ATP6V0B: variants seen among roughly 807,000 people sequenced by gnomAD.
ATP6V0B encodes V-type proton ATPase 21 kDa proteolipid subunit c''.
In ATP6V0B, 4 loss-of-function variants were observed where a neutral mutation model predicts 26.2. That is an observed-to-expected ratio of 0.15 (90% CI 0.08 to 0.35). ATP6V0B has a LOEUF of 0.35. Ranked by LOEUF, ATP6V0B falls within the 10% of genes least tolerant of loss-of-function variation. The pLI, the probability that ATP6V0B is intolerant of heterozygous loss-of-function variation, is 1.00. For missense variants in ATP6V0B, 175 were observed against 272.5 expected (o/e 0.64, Z 2.52); for synonymous variants, 110 against 105.8 (o/e 1.04, Z -0.24).
chr1:43,975,967 A>C lies in ATP6V0B; in HGVS notation c.116+119A>C, dbSNP rs2085515127. ...CTGCCTGGGACATGGACCTTTGGGA[A>C]ATACGCGGTCAGTTGTTGCCTGTAG... On this transcript the variant is annotated intron_variant, in intron 2 of 7. Transcript: ENST00000472174. The C allele has an allele frequency of 2.6e-6, 4 of 1,513,352 alleles. No individual in the cohort carries two copies. In the South Asian group the frequency reaches 4.7e-5, roughly 18 times the overall value. The allele number at this position is 1,513,352 out of a possible 1,614,324, so 93.7% of individuals were successfully genotyped here. A position where few individuals can be genotyped will look rare whatever the true frequency, so the allele number is the denominator to read the frequency against.
rs1270639969 is a variant in ATP6V0B at position 43,976,449 on chromosome 1, C to T, written c.278+70C>T. The T allele has an allele frequency of 2.6e-6, 4 of 1,550,230 alleles. No homozygotes were observed. Among genetic ancestry groups the T allele is most frequent in the African/African-American group, 1.4e-5 (1 of 73,376 alleles). On this transcript the variant is annotated intron_variant, in intron 4 of 7. Coordinates refer to ENST00000472174, the MANE Select transcript of ATP6V0B (RefSeq NM_004047.5). The surrounding 1 kb of genome is among the most constrained non-coding windows in gnomAD (Gnocchi z 4.6). ...GGCGCTGCCTGTGTGTTTGATCTGA[C>T]ATACTGTTTCTGACAAGCCACCTTG...
chr1:43,976,671 C>A lies in ATP6V0B; in HGVS notation c.348+12C>A, dbSNP rs201804028. On this transcript the variant is annotated intron_variant, in intron 5 of 7. Transcript: ENST00000472174. The surrounding 1 kb of genome is among the most constrained non-coding windows in gnomAD (Gnocchi z 4.6). ...GCAACATGGCTGAGGTATGGAAGGCCAGGGTGGTGGCGGGAATCCATTCCA... is the reference window on the plus strand; with the variant it reads ...GCAACATGGCTGAGGTATGGAAGGCAAGGGTGGTGGCGGGAATCCATTCCA... 66 of 1,614,128 alleles carry A rather than the reference C, an allele frequency of 4.1e-5. No individual in the cohort carries two copies. The East Asian group carries it at 1.4e-3, about 35-fold the overall frequency.
Position 43,978,260 on chromosome 1 carries a change from G to C in ATP6V0B, c.*253G>C, listed in dbSNP as rs2085548437. On this transcript the variant is annotated 3_prime_UTR_variant, in exon 8 of 8. Transcript: ENST00000472174. ...CCTCCACCCTCAACCCATCTTCCTA[G>C]TGTTTGTGAAATAAACTTGGTATTT... is the stretch of plus-strand genomic sequence containing the variant. 6.8e-6 allele frequency: 4 copies of C among 587,576 alleles called. No homozygotes were observed. Among genetic ancestry groups the C allele is most frequent in the Non-Finnish European group, 1.2e-5 (4 of 329,168 alleles). 36.4% of individuals were successfully genotyped at this position (587,576 alleles called of 1,614,324 possible). A position where few individuals can be genotyped will look rare whatever the true frequency, so the allele number is the denominator to read the frequency against.
chr1:43,975,213 T>C, intron 1 of ATP6V0B, 106 bp downstream of exon 1: 2 of 1,293,532 alleles, frequency 1.5e-6, no homozygotes, highest in South Asian at 1.5e-5. Flanking sequence ...CCGCGCGCTC[T>C]GCACCCGAGG....
chr1:43,977,292 T>G (rs2085531056), intron 7 of ATP6V0B, 76 bp downstream of exon 7: 4 of 1,613,240 alleles, frequency 2.5e-6, no homozygotes, highest in Non-Finnish European at 3.4e-6. Context: ...GAAGCTGAAG[T>G]GCTCTCCTTC....
intron 1 of ATP6V0B, 189 bp downstream of exon 1, chr1:43,975,296 G>A (rs1351625881): frequency 2.7e-6 from 2 of 739,410 alleles, no homozygotes; most frequent in African/African-American, 1.8e-5. Context: ...GCTTGAGGAG[G>A]GGTGCGGGCG....
At position 43,976,326 on chromosome 1, in the gene ATP6V0B, C is replaced by T. The variant is rs1557646620; in HGVS notation, c.225C>T (p.Ser75=). 1 of 1,613,846 alleles carries T rather than the reference C, an allele frequency of 6.2e-7. No homozygotes were observed. The highest frequency in any genetic ancestry group is 2.2e-5 in the East Asian group (1 of 44,884). Residue 75 remains serine (S), a synonymous_variant, in exon 4 of 8, where the codon TCC becomes TCT. Transcript: ENST00000472174. The surrounding 1 kb of genome is among the most constrained non-coding windows in gnomAD (Gnocchi z 4.6). ...GGGGCATCTATATTACCGGCTCCTC[C>T]ATCATTGGTGGAGGAGTGAAGGCCC... is the stretch of plus-strand genomic sequence containing the variant. ...AAWGIYITGS[S]IIGGGVKAPR...
rs954085826 is a variant in ATP6V0B, at chr1:43,977,021, C to T, written c.401-5C>T. 1 of 1,604,054 alleles carries T rather than the reference C, an allele frequency of 6.2e-7. No homozygotes were observed. The highest frequency in any genetic ancestry group is 8.5e-7 in the Non-Finnish European group (1 of 1,173,232). On this transcript the variant is annotated splice_polypyrimidine_tract_variant and splice_region_variant and intron_variant, in intron 6 of 7. Coordinates refer to ENST00000472174, the MANE Select transcript of ATP6V0B (RefSeq NM_004047.5). ...GCCTCACTGCACCCCTCTCTATCCT[C>T]CCAGGCTACTCCATGTTTGGGGCTG... is the stretch of plus-strand genomic sequence containing the variant.
In ATP6V0B at chr1:43,976,685, G is replaced by A; in HGVS notation, c.348+26G>A. 1 of 1,613,906 alleles carries A rather than the reference G, an allele frequency of 6.2e-7. No homozygotes were observed. Among genetic ancestry groups the A allele is most frequent in the Non-Finnish European group, 8.5e-7 (1 of 1,179,808 alleles). ...GTATGGAAGGCCAGGGTGGTGGCGG[G>A]AATCCATTCCAGTGTGTTCTACACA... is the stretch of plus-strand genomic sequence containing the variant. On this transcript the variant is annotated intron_variant, in intron 5 of 7. Transcript: ENST00000472174. This position sits in a 1 kb window ranked among gnomAD's most constrained non-coding sequence, Gnocchi z 4.6.
In ATP6V0B at chr1:43,976,654, G is replaced by A; in HGVS notation, c.343G>A (p.Ala115Thr). 1.2e-6 allele frequency: 2 copies of A among 1,614,182 alleles called. No homozygotes were observed. Among genetic ancestry groups the A allele is most frequent in the African/African-American group, 2.7e-5 (2 of 75,024 alleles). ...IIMAIVISNM[A>T]EPFSATDPKA... ...CATGGCAATTGTCATTAGCAACATG[G>A]CTGAGGTATGGAAGGCCAGGGTGGT... Residue 115 changes from alanine (A) to threonine (T), a missense_variant, in exon 5 of 8, where the codon GCT becomes ACT. Ala to Thr is a moderately conservative substitution (Grantham distance 58, BLOSUM62 0). This residue lies in a region of ATP6V0B where 97 missense variants were observed against 158.0 expected (regional missense o/e 0.61). Coordinates refer to ENST00000472174, the MANE Select transcript of ATP6V0B (RefSeq NM_004047.5). The surrounding 1 kb of genome is among the most constrained non-coding windows in gnomAD (Gnocchi z 4.6).
chr1:43,977,111 T>C lies in ATP6V0B; in HGVS notation c.486T>C (p.Ala162=). 1.2e-6 allele frequency: 2 copies of C among 1,614,260 alleles called. No individual in the cohort carries two copies. The highest frequency in any genetic ancestry group is 1.7e-6 in the Non-Finnish European group (2 of 1,180,048). ...GVCVGIVGSG[A]ALADAQNPSL... ...GCGTGGGCATCGTGGGCAGTGGGGC[T>C]GCCCTGGCCGATGCTCAGAACCCCA... Residue 162 remains alanine, a synonymous_variant, in exon 7 of 8, where the codon GCT becomes GCC. Coordinates refer to ENST00000472174, the MANE Select transcript of ATP6V0B (RefSeq NM_004047.5).
At chr1:43,977,684 TGA>T in intron 7 of ATP6V0B, 2 of 1,427,550 alleles carry the variant, frequency 1.4e-6, no homozygotes, top group African/African-American at 1.4e-5. Context: ...TGACAGTGTG[TGA>T]GTTTGTGACT....
Position 43,976,210 on chromosome 1 carries a change from G to C in ATP6V0B, c.200+37G>C. On this transcript the variant is annotated intron_variant, in intron 3 of 7. Transcript: ENST00000472174. This position sits in a 1 kb window ranked among gnomAD's most constrained non-coding sequence, Gnocchi z 4.6. ...GGTGGTGGGACTGGGGGCAGGGGCT[G>C]AGTCATGGCAGGTGGTGTCACTGGG... 6.2e-7 allele frequency: 1 copy of C among 1,610,832 alleles called. No individual in the cohort carries two copies. The highest frequency in any genetic ancestry group is 8.5e-7 in the Non-Finnish European group (1 of 1,177,104).
In ATP6V0B at chr1:43,978,100, T is replaced by A; in HGVS notation, c.*93T>A. 6.4e-7 allele frequency: 1 copy of A among 1,566,350 alleles called. No homozygotes were observed. Among genetic ancestry groups the A allele is most frequent in the Non-Finnish European group, 8.8e-7 (1 of 1,137,628 alleles). On this transcript the variant is annotated 3_prime_UTR_variant, in exon 8 of 8. Transcript: ENST00000472174. ...TGTGTCCCTTAGCCTTTCAGAGGCT[T>A]GGTGTTCAGGGCCCTCCCTGCACTC...
chr1:43,977,463 A>G, intron 7 of ATP6V0B: 1 of 1,435,662 alleles, frequency 7.0e-7, no homozygotes, highest in Non-Finnish European at 9.1e-7. Flanking sequence ...TCTGTATAGC[A>G]CTTAGTCCTC....
At chr1:43,975,681 G>A (rs773932722) in intron 1 of ATP6V0B, 119 bp from the exon 2 acceptor site, 53 of 1,115,360 alleles carry the variant, frequency 4.8e-5, no homozygotes, top group Non-Finnish European at 6.8e-5. Flanking sequence ...TGTCACCTGG[G>A]GGCAGCCTGA....
intron 1 of ATP6V0B, 178 bp downstream of exon 1, chr1:43,975,285 T>C: frequency 1.2e-6 from 1 of 818,256 alleles, no homozygotes. Flanking sequence ...GATTTCCAGC[T>C]GCTTGAGGAG....
rs1370344898 is a variant in ATP6V0B at position 43,976,978 on chromosome 1, T to TC, written c.401-43dup. On this transcript the variant is annotated intron_variant, in intron 6 of 7. Coordinates refer to ENST00000472174, the MANE Select transcript of ATP6V0B (RefSeq NM_004047.5). The surrounding 1 kb of genome is among the most constrained non-coding windows in gnomAD (Gnocchi z 4.6). ...GTGATTGGCCCCATTAGCCCATATC[T>TC]CCCCCATTCCTGGCTTAGCCTCACT... 6.2e-7 allele frequency: 1 copy of TC among 1,600,092 alleles called. No homozygotes were observed. Among genetic ancestry groups the TC allele is most frequent in the Non-Finnish European group, 8.5e-7 (1 of 1,170,336 alleles).
In ATP6V0B at chr1:43,976,180, AT is replaced by A. The variant is rs1357205522; in HGVS notation, c.200+9del. 3 of 1,612,476 alleles carry A rather than the reference AT, an allele frequency of 1.9e-6. No individual in the cohort carries two copies. In the African/African-American group the frequency reaches 4.0e-5, roughly 22 times the overall value. ...CTGTGGTTGGGGCAGCCTGGTGAGTATTGGGGTGGTGGGACTGGGGGCAGGG... is the reference window on the plus strand; with the variant it reads ...CTGTGGTTGGGGCAGCCTGGTGAGTATGGGGTGGTGGGACTGGGGGCAGGG... On this transcript the variant is annotated splice_region_variant and intron_variant, in intron 3 of 7. Transcript: ENST00000472174. This position sits in a 1 kb window ranked among gnomAD's most constrained non-coding sequence, Gnocchi z 4.6.
Sources: gnomAD v4.1 joint callset for allele counts on GRCh38, gnomAD v4.1.1 for gene constraint, gnomAD v4.1.1 regional missense constraint, Gnocchi (gnomAD v3.1) non-coding constraint, MANE v1.5 for transcripts, NCBI Gene and HGNC (gene_info 2026-07-23, HGNC 2026-07-21) for gene names.